ABL2: variants seen among roughly 807,000 people sequenced by gnomAD.
ABL2 encodes tyrosine-protein kinase ABL2.
ABL2 carries 49 observed loss-of-function variants against 107.7 expected under a neutral mutation model. The ratio of observed to expected loss-of-function variants is 0.45; its 90% CI spans 0.36 to 0.58. ABL2 has a LOEUF of 0.58. ABL2 is among the 20% of genes least tolerant of loss of function. The pLI is 0.00. For synonymous variants in ABL2, 549 were observed against 548.6 expected (o/e 1.00, Z -0.01); for missense variants, 1,245 against 1,457.0 (o/e 0.85, Z 2.37).
At chr1:179,128,018 G>A (rs1468854965) in intron 3 of ABL2, among the ~76,000 whole-genome samples, 1 of 138,208 alleles carries the variant, frequency 7.2e-6, no homozygotes, top group Non-Finnish European at 1.5e-5. Context: ...CTGGGAGACA[G>A]AGTGAGACTG....
intron 3 of ABL2, among the ~76,000 whole-genome samples, chr1:179,127,997 T>C (rs1158352183): frequency 6.8e-6 from 1 of 147,830 alleles, no homozygotes; most frequent in Non-Finnish European, 1.5e-5. Context: ...ATTGCACCAC[T>C]GTACTCCAGC....
chr1:179,189,980 C>T (rs368630884), intron 1 of ABL2, among the ~76,000 whole-genome samples: 1 of 152,014 alleles, frequency 6.6e-6, no homozygotes, highest in African/African-American at 2.4e-5. Flanking sequence ...ACCACCATGA[C>T]GGGCTAATTT....
chr1:179,191,439 A>G (rs1378569544), intron 1 of ABL2, among the ~76,000 whole-genome samples: 8 of 22,102 alleles, frequency 3.6e-4, no homozygotes, highest in African/African-American at 1.3e-3. Context: ...TTTTTTTTTG[A>G]GACGGAGTTT....
rs1653610813 is a variant in ABL2, at chr1:179,108,006, C to G, written c.3261G>C (p.Glu1087Asp). The G allele has an allele frequency of 3.1e-6, 5 of 1,614,194 alleles. No individual in the cohort carries two copies. The East Asian group carries it at 1.1e-4, about 36-fold the overall frequency. ...GTAGGTCAGCACATTCCAGCAGGGC[C>G]TCTTTGCTGATTTTGTCTGCTGAGA... Reference protein sequence around the residue: ...EKISADKISKEALLECADLLS... With the variant: ...EKISADKISKDALLECADLLS... The change falls in exon 12 of 12, where the codon GAG becomes GAC. Residue 1087 changes from glutamate (E) to aspartate (D), a missense_variant. This residue lies in a region of ABL2 where 761 missense variants were observed against 766.4 expected (regional missense o/e 0.99). Coordinates refer to ENST00000502732, the MANE Select transcript of ABL2 (RefSeq NM_007314.4).
chr1:179,152,065 G>A (rs115175869), intron 1 of ABL2, among the ~76,000 whole-genome samples: 3,214 of 152,170 alleles, frequency 0.021, 70 homozygotes, highest in Non-Finnish European at 0.034. Context: ...AAGACATGGC[G>A]GGGAAAGGTA....
intron 9 of ABL2, among the ~76,000 whole-genome samples, chr1:179,112,908 C>T (rs1241021272): frequency 6.6e-6 from 1 of 152,180 alleles, no homozygotes; most frequent in Non-Finnish European, 1.5e-5. Context: ...GCGCACGCCA[C>T]CACGTCCGGC....
Position 179,110,208 on chromosome 1 carries a change from T to A in ABL2, c.1825+74A>T, listed in dbSNP as rs1353971388. 5.8e-6 allele frequency: 9 copies of A among 1,557,840 alleles called. No individual in the cohort carries two copies. In the East Asian group the frequency reaches 2.0e-4, roughly 35 times the overall value. ...GGGAGGACGGGCATGAAAGTGGACA[T>A]AAAAGCCTCACACCCCATGCTTCTT... On this transcript the variant is annotated intron_variant, in intron 11 of 11. Transcript: ENST00000502732.
At position 179,126,326 on chromosome 1, in the gene ABL2, T is replaced by C; in HGVS notation, c.687+51A>G. 2 of 1,545,286 alleles carry C rather than the reference T, an allele frequency of 1.3e-6. No individual in the cohort carries two copies. The highest frequency in any genetic ancestry group is 1.8e-6 in the Non-Finnish European group (2 of 1,128,418). On this transcript the variant is annotated intron_variant, in intron 4 of 11. Transcript: ENST00000502732. The surrounding 1 kb of genome is among the most constrained non-coding windows in gnomAD (Gnocchi z 4.4). ...TTCACTTCAATCACGTTGAATATTA[T>C]TTCACAGAGTAGCCAGTCCATGCTT...
chr1:179,166,394 T>TCAA (rs1457965586), intron 1 of ABL2, among the ~76,000 whole-genome samples: 1 of 108,860 alleles, frequency 9.2e-6, no homozygotes. Context: ...AACTCAATAC[T>TCAA]AAAAAAAAAA....
chr1:179,200,511 CT>C (rs1661604803), intron 1 of ABL2, among the ~76,000 whole-genome samples: 1 of 152,142 alleles, frequency 6.6e-6, no homozygotes, highest in Non-Finnish European at 1.5e-5. Flanking sequence ...AATTAAGAGC[CT>C]TTTTTTCTCT....
At chr1:179,184,405 GC>G in intron 1 of ABL2, 1 of 945,662 alleles carries the variant, frequency 1.1e-6, no homozygotes, top group Non-Finnish European at 1.6e-6. Flanking sequence ...AATAAAGCCA[GC>G]AGGAAGAGGC....
At chr1:179,225,430 C>A (rs572706512) in intron 1 of ABL2, among the ~76,000 whole-genome samples, 2 of 152,158 alleles carry the variant, frequency 1.3e-5, no homozygotes, top group Admixed American at 6.5e-5. Flanking sequence ...ACACTAGATT[C>A]GAGCACCTAC....
chr1:179,195,308 A>T (rs1277543315), intron 1 of ABL2, among the ~76,000 whole-genome samples: 12 of 152,054 alleles, frequency 7.9e-5, no homozygotes, highest in Admixed American at 2.6e-4. Flanking sequence ...AAAAACAAAA[A>T]AACAGTGAGA....
At chr1:179,113,846 A>G (rs1654342071) in intron 9 of ABL2, among the ~76,000 whole-genome samples, 1 of 152,162 alleles carries the variant, frequency 6.6e-6, no homozygotes, top group African/African-American at 2.4e-5. Flanking sequence ...AGGCAGGAGA[A>G]TGGCATCAAC....
At chr1:179,120,121 T>C (rs1572634208) in intron 6 of ABL2, 69 bp downstream of exon 6, 2 of 962,066 alleles carry the variant, frequency 2.1e-6, no homozygotes, top group Non-Finnish European at 3.1e-6. Context: ...AAAAAGCATT[T>C]GGAGATAACA....
chr1:179,164,297 T>C (rs980313775), intron 1 of ABL2, among the ~76,000 whole-genome samples: 3 of 152,206 alleles, frequency 2.0e-5, no homozygotes, highest in Admixed American at 2.0e-4. Context: ...TGTCATATCA[T>C]AGGACACATA....
In ABL2 at chr1:179,131,465, G is replaced by C. The variant is rs749158603; in HGVS notation, c.237C>G (p.Pro79=). The C allele has an allele frequency of 5.6e-6, 9 of 1,613,966 alleles. No individual in the cohort carries two copies. The highest frequency in any genetic ancestry group is 7.6e-6 in the Non-Finnish European group (9 of 1,179,882). The change falls in exon 3 of 12, where the codon CCC becomes CCG. Residue 79 remains proline, a synonymous_variant. Coordinates refer to ENST00000502732, the MANE Select transcript of ABL2 (RefSeq NM_007314.4). ...GGSSPEALHR[P]YGCDVEPQAL... Reference sequence around the variant, plus strand: ...CCTGGGGTTCAACATCACAACCATAGGGACGATGCAAAGCTTCTGAAAGAC... The same window carrying C: ...CCTGGGGTTCAACATCACAACCATACGGACGATGCAAAGCTTCTGAAAGAC...
intron 1 of ABL2, among the ~76,000 whole-genome samples, chr1:179,136,741 T>A (rs540751793): frequency 6.4e-5 from 8 of 124,312 alleles, no homozygotes; most frequent in Admixed American, 4.0e-4. Flanking sequence ...AATAAATAAA[T>A]AAAAATAAAA....
chr1:179,227,418 G>A (rs1172184836), intron 1 of ABL2, among the ~76,000 whole-genome samples: 2 of 152,076 alleles, frequency 1.3e-5, no homozygotes, highest in Non-Finnish European at 2.9e-5. Context: ...CCATGTTCCC[G>A]TTCAAGTTGT....
Sources: allele counts gnomAD v4.1 joint callset (sites outside exome capture counted in the v4.1 genomes callset), GRCh38; gene constraint gnomAD v4.1.1; regional missense constraint gnomAD v4.1.1; non-coding constraint Gnocchi (gnomAD v3.1); transcripts MANE v1.5; gene names NCBI Gene and HGNC (gene_info 2026-07-23, HGNC 2026-07-21).